TENM1: variants seen among roughly 807,000 people sequenced by gnomAD.
The protein encoded by TENM1 is teneurin transmembrane protein 1.
A neutral mutation model predicts 174.8 loss-of-function variants in TENM1; 35 were observed. That is an observed-to-expected ratio of 0.20 (90% CI 0.15 to 0.27). The LOEUF (loss-of-function observed/expected upper bound fraction) is 0.27, where lower values mean the gene tolerates loss of function less well. TENM1 is among the 10% of genes least tolerant of loss of function. TENM1 has a pLI of 1.00. For missense variants in TENM1, 1,633 were observed against 2,130.1 expected (o/e 0.77, Z 4.59); for synonymous variants, 781 against 798.7 (o/e 0.98, Z 0.37).
chrX:124,660,300 G>T (rs777398294), intron 6 of TENM1, among the ~76,000 whole-genome samples: 1 of 107,442 alleles, frequency 9.3e-6, no homozygotes, highest in East Asian at 2.9e-4. Context: ...GCGTGAACCC[G>T]GGAGGCAGAG....
the TENM1 span, among the ~76,000 whole-genome samples, chrX:125,035,506 T>A: frequency 7.9e-3 from 885 of 111,418 alleles, 7 homozygotes; most frequent in African/African-American, 0.027. Context: ...GTGAGTGAGT[T>A]GGCCAACTGC....
At chrX:124,543,973 C>T (rs1057110608) in intron 15 of TENM1, among the ~76,000 whole-genome samples, 1 of 112,785 alleles carries the variant, frequency 8.9e-6, no homozygotes, top group African/African-American at 3.2e-5. Context: ...ACCTGTGTGC[C>T]ACCATCTTTA....
At chrX:125,046,857 C>CGTGTGT in the TENM1 span, among the ~76,000 whole-genome samples, 133 of 98,258 alleles carry the variant, frequency 1.4e-3, no homozygotes, top group African/African-American at 3.9e-3. Flanking sequence ...TGTGTGCATG[C>CGTGTGT]GTGTGTGTGT....
chrX:124,846,074 G>C (rs927454023), intron 3 of TENM1, among the ~76,000 whole-genome samples: 1 of 109,987 alleles, frequency 9.1e-6, no homozygotes, highest in Non-Finnish European at 1.9e-5. Context: ...TTGGAAGGAG[G>C]TTAGGAAGAG....
intron 14 of TENM1, among the ~76,000 whole-genome samples, chrX:124,547,443 C>T (rs1026054983): frequency 8.9e-6 from 1 of 111,846 alleles, no homozygotes; most frequent in Non-Finnish European, 1.9e-5. Flanking sequence ...CCATTCTTTC[C>T]GAATGCGATG....
At position 124,756,939 on chromosome X, in the gene TENM1, G is replaced by C. The variant is rs188357227; in HGVS notation, c.536-19742C>G. On this transcript the variant is annotated intron_variant, in intron 3 of 31. Coordinates refer to ENST00000422452, the Ensembl canonical transcript of TENM1. ...CCCAGTTAGGCTGCTCGGGGGTCAG[G>C]GGTCAGGGACCCACTTGAGGAGGCA... Among the ~76,000 whole-genome samples, 454 of 111,926 alleles carry C rather than the reference G, an allele frequency of 4.1e-3. 3 individuals are homozygous for C. Among genetic ancestry groups the C allele is most frequent in the African/African-American group, 0.014 (424 of 30,832 alleles).
intron 3 of TENM1, among the ~76,000 whole-genome samples, chrX:124,863,542 G>C (rs1474022940): frequency 8.9e-6 from 1 of 112,235 alleles, no homozygotes; most frequent in Non-Finnish European, 1.9e-5. Context: ...TCTTTTGAAA[G>C]GGGAAAGAAG....
chrX:124,678,948 G>C (rs1316061962), intron 5 of TENM1, among the ~76,000 whole-genome samples: 1 of 111,295 alleles, frequency 9.0e-6, no homozygotes, highest in Non-Finnish European at 1.9e-5. Context: ...AATAAATAGG[G>C]CTTTGATAAT....
chrX:124,453,291 C>G, intron 23 of TENM1, 46 bp downstream of exon 26: 1 of 1,138,125 alleles, frequency 8.8e-7, no homozygotes, highest in Non-Finnish European at 1.2e-6. Context: ...TTATCCATTT[C>G]CATGATGCCA....
At chrX:125,010,178 G>C in the TENM1 span, among the ~76,000 whole-genome samples, 18 of 111,475 alleles carry the variant, frequency 1.6e-4, no homozygotes, top group Non-Finnish European at 3.8e-5. Flanking sequence ...CTTCAGCAAA[G>C]TCTCAAAATA....
At chrX:124,967,454 C>A (rs1252071864), upstream of TENM1, among the ~76,000 whole-genome samples, 2 of 111,551 alleles carry the variant, frequency 1.8e-5, no homozygotes, top group Non-Finnish European at 3.8e-5. Flanking sequence ...CCAGCCACGT[C>A]TTTTCTTTTC....
At chrX:124,851,378 A>C (rs2056716783) in intron 3 of TENM1, among the ~76,000 whole-genome samples, 1 of 112,040 alleles carries the variant, frequency 8.9e-6, no homozygotes, top group Non-Finnish European at 1.9e-5. Context: ...TTGAGGAATT[A>C]GAAAACTTTC....
chrX:125,137,783 G>A, the TENM1 span, among the ~76,000 whole-genome samples: 4 of 110,248 alleles, frequency 3.6e-5, no homozygotes, highest in East Asian at 1.1e-3. Context: ...TTTGTCAGGG[G>A]GTGCTTCTCC....
At chrX:125,185,535 A>G in the TENM1 span, among the ~76,000 whole-genome samples, 1 of 112,729 alleles carries the variant, frequency 8.9e-6, no homozygotes, top group East Asian at 2.8e-4. Flanking sequence ...CATTTACATG[A>G]CATGCAATAA....
At chrX:124,590,703 A>T (rs764060686) in intron 11 of TENM1, among the ~76,000 whole-genome samples, 37 of 111,753 alleles carry the variant, frequency 3.3e-4, no homozygotes, top group African/African-American at 1.2e-3. Context: ...GAGAAGAATG[A>T]ATTTTGTGTT....
intron 3 of TENM1, among the ~76,000 whole-genome samples, chrX:124,886,548 T>TATAGAGAGAGAGAG (rs1187597592): frequency 1.7e-5 from 1 of 59,993 alleles, no homozygotes; most frequent in African/African-American, 6.6e-5. Context: ...TATATATATA[T>TATAGAGAGAGAGAG]AGAGAGAGAG....
chrX:124,574,453 T>C lies in TENM1; in HGVS notation c.2078-8893A>G, dbSNP rs139293431. The stretch of plus-strand genomic sequence containing the variant: ...TTATGTAAAAATTTCAAGATTAAAA[T>C]ATGGCATTCTAAACAAGGAAAAGAC... On this transcript the variant is annotated intron_variant, in intron 11 of 31. Transcript: ENST00000422452. Among the ~76,000 whole-genome samples, 1,032 of 111,431 alleles carry C rather than the reference T, an allele frequency of 9.3e-3. 12 individuals carry two copies. The highest frequency in any genetic ancestry group is 0.031 in the African/African-American group (961 of 30,776).
At chrX:124,523,647 C>T in intron 16 of TENM1, 22 bp from the exon 20 acceptor site, 1 of 1,189,320 alleles carries the variant, frequency 8.4e-7, no homozygotes, top group African/African-American at 1.8e-5. Flanking sequence ...AAACATAAGA[C>T]AGTTGCAATC....
chrX:124,737,829 T>A (rs762801100), intron 3 of TENM1, among the ~76,000 whole-genome samples: 2 of 112,358 alleles, frequency 1.8e-5, no homozygotes, highest in Non-Finnish European at 3.8e-5. Flanking sequence ...TTATACATAT[T>A]TCCATGGTCA....
Sources: gnomAD v4.1 joint callset for allele counts (sites outside exome capture counted in the v4.1 genomes callset) on GRCh38, gnomAD v4.1.1 for gene constraint, MANE v1.5 for transcripts, NCBI Gene and HGNC (gene_info 2026-07-23, HGNC 2026-07-21) for gene names.